LRCH3: variants seen among roughly 807,000 people sequenced by gnomAD.
The protein encoded by LRCH3 is DISP complex protein LRCH3.
In LRCH3, 68 loss-of-function variants were observed where a neutral mutation model predicts 104.5. The ratio of observed to expected loss-of-function variants is 0.65; its 90% CI spans 0.54 to 0.80. The LOEUF is 0.80. LRCH3 is among the 30% of genes least tolerant of loss of function. LRCH3 has a pLI of 0.00. For missense variants in LRCH3, 951 were observed against 953.9 expected (o/e 1.00, Z 0.04); for synonymous variants, 344 against 361.3 (o/e 0.95, Z 0.54).
chr3:197,795,491 G>C (rs1731088413), intron 1 of LRCH3, among the ~76,000 whole-genome samples: 1 of 151,976 alleles, frequency 6.6e-6, no homozygotes, highest in African/African-American at 2.4e-5. Flanking sequence ...TGAGCCCTGG[G>C]GTTGCTGAGA....
chr3:197,796,047 T>C (rs1314052547), intron 1 of LRCH3, among the ~76,000 whole-genome samples: 1 of 152,164 alleles, frequency 6.6e-6, no homozygotes, highest in East Asian at 1.9e-4. Flanking sequence ...CCCGTGATGA[T>C]ATTGTGGTGA....
At chr3:197,806,217 C>T (rs188634129) in intron 1 of LRCH3, among the ~76,000 whole-genome samples, 67 of 152,186 alleles carry the variant, frequency 4.4e-4, no homozygotes, top group African/African-American at 1.5e-3. Flanking sequence ...TGAGTCACTG[C>T]GCCTGGCCTA....
Position 197,866,112 on chromosome 3 carries a change from T to G in LRCH3, c.1766T>G (p.Val589Gly). The change falls in exon 17 of 21, where the codon GTT (valine) becomes GGT (glycine). Residue 589 changes from valine (V) to glycine (G), a missense_variant and splice_region_variant. Physicochemically the swap from Val to Gly is moderately radical, Grantham distance 109. Coordinates refer to ENST00000425562, the MANE Select transcript of LRCH3 (RefSeq NM_001365715.1). ...ALLSSPATETVHHSPAYSFPA... is the reference protein window; with the variant it reads ...ALLSSPATETGHHSPAYSFPA... ...CATTTTATTTTTCATGCTAATTTAG[T>G]TCATCATTCCCCTGCATATTCTTTT... 6.2e-7 allele frequency: 1 copy of G among 1,606,016 alleles called. No individual in the cohort carries two copies. Among genetic ancestry groups the G allele is most frequent in the Non-Finnish European group, 8.5e-7 (1 of 1,172,590 alleles).
chr3:197,803,798 G>A (rs1026187916), intron 1 of LRCH3, among the ~76,000 whole-genome samples: 1 of 152,298 alleles, frequency 6.6e-6, no homozygotes, highest in Admixed American at 6.5e-5. Context: ...GCCTCATCTC[G>A]GAATAAGAAT....
rs189305298 is a variant in LRCH3 at position 197,843,640 on chromosome 3, T to G, written c.1329-3769T>G. ...CAGAGGCTGCAGTGAGCTGAGATTG[T>G]GCCCCTGCACGCCAGCCTGGGCAAC... On this transcript the variant is annotated intron_variant, in intron 10 of 20. Transcript: ENST00000425562. Among the ~76,000 whole-genome samples, 487 of 152,004 alleles carry G rather than the reference T, an allele frequency of 3.2e-3. 3 individuals are homozygous for G. Among genetic ancestry groups the G allele is most frequent in the Admixed American group, 3.9e-3 (60 of 15,276 alleles).
At chr3:197,881,583 C>A (rs76173621) in intron 20 of LRCH3, 115,130 of 985,106 alleles carry the variant, frequency 0.12, 7,338 homozygotes, top group African/African-American at 0.23. Flanking sequence ...AGTATTAGGG[C>A]AGCAGTCCCT....
Position 197,887,559 on chromosome 3 carries a change from A to T in LRCH3, c.*3893A>T, listed in dbSNP as rs1462553772. On this transcript the variant is annotated 3_prime_UTR_variant, in exon 21 of 21. Transcript: ENST00000425562. ...TTGGCGGCTGAGAGCCCCCCAGCAGAGCCCTTCCCATCACTGACAGTGTTG... is the reference window on the plus strand; with the variant it reads ...TTGGCGGCTGAGAGCCCCCCAGCAGTGCCCTTCCCATCACTGACAGTGTTG... 1 of 140,178 alleles carries T rather than the reference A, an allele frequency of 7.1e-6. No homozygotes were observed. The highest frequency in any genetic ancestry group is 1.5e-5 in the Non-Finnish European group (1 of 65,594). The allele number at this position is 140,178 out of a possible 1,614,324, so 8.7% of individuals were successfully genotyped here. A position where few individuals can be genotyped will look rare whatever the true frequency, so the allele number is the denominator to read the frequency against.
intron 9 of LRCH3, among the ~76,000 whole-genome samples, chr3:197,838,427 CCTGTTTCTTGGAGGTAGATG>C (rs201515271): frequency 0.028 from 4,309 of 152,142 alleles, 139 homozygotes; most frequent in African/African-American, 0.082. Context: ...GTGTGATATA[CCTGTTTCTTGGAGGTAGATG>C]CTATTTCTTG....
chr3:197,792,595 AT>A (rs1560511254), intron 1 of LRCH3, among the ~76,000 whole-genome samples: 3 of 84,582 alleles, frequency 3.5e-5, no homozygotes, highest in East Asian at 4.2e-4. Context: ...ATATATATAT[AT>A]ATATATATAA....
At chr3:197,837,844 T>C (rs1380779539) in intron 9 of LRCH3, among the ~76,000 whole-genome samples, 1 of 151,862 alleles carries the variant, frequency 6.6e-6, no homozygotes, top group East Asian at 1.9e-4. Context: ...GTCAGGAGTT[T>C]GAGACCAGAC....
At chr3:197,805,164 A>G (rs1290441167) in intron 1 of LRCH3, among the ~76,000 whole-genome samples, 4 of 152,180 alleles carry the variant, frequency 2.6e-5, no homozygotes, top group Non-Finnish European at 5.9e-5. Flanking sequence ...AAGTGCTGGG[A>G]TTACAGGCGT....
intron 12 of LRCH3, among the ~76,000 whole-genome samples, chr3:197,852,025 TCA>T (rs1739674765): frequency 6.6e-6 from 1 of 152,194 alleles, no homozygotes; most frequent in South Asian, 2.1e-4. Context: ...ATATTTTATC[TCA>T]CACAGTAGAA....
rs553396617 is a variant in LRCH3 at position 197,824,806 on chromosome 3, G to A, written c.641-2072G>A. The stretch of plus-strand genomic sequence containing the variant: ...AGGCTGGTCTTGAACTTCTGACCTC[G>A]TGATTCACCCGCCTTGGCCTCCCAA... On this transcript the variant is annotated intron_variant, in intron 4 of 20. Transcript: ENST00000425562. 3.3e-5 allele frequency among the ~76,000 whole-genome samples: 5 copies of A among 151,722 alleles called. No individual in the cohort carries two copies. The East Asian group carries it at 9.9e-4, about 30-fold the overall frequency.
intron 7 of LRCH3, 78 bp from the exon 8 acceptor site, chr3:197,832,119 C>T (rs983640562): frequency 7.5e-6 from 11 of 1,464,460 alleles, no homozygotes; most frequent in Non-Finnish European, 1.0e-5. Flanking sequence ...GCTTTGGTCT[C>T]CCAAAGCGCA....
intron 1 of LRCH3, among the ~76,000 whole-genome samples, chr3:197,802,769 G>A (rs1342810194): frequency 1.3e-5 from 2 of 152,078 alleles, no homozygotes; most frequent in African/African-American, 4.8e-5. Context: ...CCAGTTTGTT[G>A]GCGTATAACT....
chr3:197,875,444 G>A (rs1712772525), intron 19 of LRCH3, among the ~76,000 whole-genome samples: 1 of 152,140 alleles, frequency 6.6e-6, no homozygotes, highest in South Asian at 2.1e-4. Context: ...CAGGCAGATT[G>A]CTTGAACTCA....
intron 9 of LRCH3, among the ~76,000 whole-genome samples, chr3:197,837,425 T>G (rs991339818): frequency 6.6e-6 from 1 of 152,212 alleles, no homozygotes; most frequent in Non-Finnish European, 1.5e-5. Context: ...ATGGTAGTCT[T>G]TATGACTTCT....
intron 10 of LRCH3, among the ~76,000 whole-genome samples, chr3:197,844,765 GCAC>G (rs1738370311): frequency 6.6e-6 from 1 of 151,994 alleles, no homozygotes; most frequent in Non-Finnish European, 1.5e-5. Context: ...CTACAGGCGC[GCAC>G]CACCACACCT....
intron 10 of LRCH3, 25 bp from the exon 11 acceptor site, chr3:197,847,384 C>A: frequency 6.4e-7 from 1 of 1,561,992 alleles, no homozygotes; most frequent in Non-Finnish European, 8.6e-7. Flanking sequence ...GAGTTTTTTT[C>A]TTTCTTTTTT....
Sources: gnomAD v4.1 joint callset for allele counts (sites outside exome capture counted in the v4.1 genomes callset) on GRCh38, gnomAD v4.1.1 for gene constraint, MANE v1.5 for transcripts, NCBI Gene and HGNC (gene_info 2026-07-23, HGNC 2026-07-21) for gene names.